LIX1: variants seen among roughly 807,000 people sequenced by gnomAD.
LIX1 encodes the protein limb and CNS expressed 1.
Under a neutral mutation model 33.4 loss-of-function variants are expected in LIX1, and 24 were observed. That is an observed-to-expected ratio of 0.72 (90% CI 0.52 to 1.01). The LOEUF is 1.01. Among genes scored for constraint, LIX1 ranks in the 50% least tolerant of loss-of-function variants. The pLI, the probability that LIX1 is intolerant of heterozygous loss-of-function variation, is 0.00. For synonymous variants in LIX1, 124 were observed against 124.0 expected (o/e 1.00, Z 0.00); for missense variants, 311 against 339.2 (o/e 0.92, Z 0.65).
chr5:97,126,940 AAAT>A (rs1238849633), intron 1 of LIX1, among the ~76,000 whole-genome samples: 1 of 152,104 alleles, frequency 6.6e-6, no homozygotes, highest in Admixed American at 6.5e-5. Context: ...GCCCACCCTG[AAAT>A]AATATTTTCT....
intron 2 of LIX1, among the ~76,000 whole-genome samples, chr5:97,108,243 G>T (rs1747172120): frequency 6.6e-6 from 1 of 152,180 alleles, no homozygotes; most frequent in African/African-American, 2.4e-5. Flanking sequence ...TGATTTTCTT[G>T]AGGACTAGGA....
intron 4 of LIX1, among the ~76,000 whole-genome samples, chr5:97,103,792 C>T (rs1346775494): frequency 2.6e-5 from 4 of 151,940 alleles, no homozygotes; most frequent in Middle Eastern, 3.4e-3. Context: ...GGTGAAATCC[C>T]GTCTCTACTA....
chr5:97,106,944 A>G (rs921274079), intron 3 of LIX1, among the ~76,000 whole-genome samples: 1 of 152,204 alleles, frequency 6.6e-6, no homozygotes, highest in Non-Finnish European at 1.5e-5. Flanking sequence ...GGGAATTCGC[A>G]CTTCCAGTAA....
chr5:97,101,386 G>A (rs779228092), intron 4 of LIX1, among the ~76,000 whole-genome samples: 2 of 152,304 alleles, frequency 1.3e-5, no homozygotes, highest in African/African-American at 2.4e-5. Flanking sequence ...CTGTGCAGCT[G>A]TACAGGGCCC....
At chr5:97,105,557 T>G (rs1335614834) in intron 3 of LIX1, among the ~76,000 whole-genome samples, 2 of 152,236 alleles carry the variant, frequency 1.3e-5, no homozygotes, top group Admixed American at 1.3e-4. Flanking sequence ...GGTGGTGGTG[T>G]TAACATTTGC....
chr5:97,098,896 A>C (rs1468953938), intron 4 of LIX1, among the ~76,000 whole-genome samples: 1 of 152,238 alleles, frequency 6.6e-6, no homozygotes, highest in Non-Finnish European at 1.5e-5. Context: ...TCATGTCTAA[A>C]ATTGCCATTG....
intron 2 of LIX1, among the ~76,000 whole-genome samples, chr5:97,121,343 G>C (rs1747780556): frequency 6.6e-6 from 1 of 152,032 alleles, no homozygotes; most frequent in Non-Finnish European, 1.5e-5. Flanking sequence ...TTAACTCAAA[G>C]AAAATTGCCT....
chr5:97,095,193 A>G (rs1017190951), intron 5 of LIX1, among the ~76,000 whole-genome samples, 158 bp from the exon 6 acceptor site: 4 of 152,190 alleles, frequency 2.6e-5, no homozygotes, highest in East Asian at 3.8e-4. Flanking sequence ...GTTTACTTCT[A>G]TAAAGGAAAT....
At position 97,119,673 on chromosome 5, in the gene LIX1, G is replaced by A. The variant is rs1337907242; in HGVS notation, c.246+4793C>T. 2.6e-5 allele frequency among the ~76,000 whole-genome samples: 4 copies of A among 152,154 alleles called. No homozygotes were observed. The East Asian group carries it at 7.7e-4, about 29-fold the overall frequency. ...CATAAAGAAAAGGGGACCCTAAAATGATCAGAGAAATCAGCAAGAGGCCTC... is the reference window on the plus strand; with the variant it reads ...CATAAAGAAAAGGGGACCCTAAAATAATCAGAGAAATCAGCAAGAGGCCTC... On this transcript the variant is annotated intron_variant, in intron 2 of 5. Transcript: ENST00000274382.
chr5:97,128,930 G>A (rs922690067), intron 1 of LIX1, among the ~76,000 whole-genome samples: 9 of 152,054 alleles, frequency 5.9e-5, no homozygotes, highest in Admixed American at 3.9e-4. Context: ...CACTGTTTCC[G>A]GGGTAATATC....
At position 97,092,812 on chromosome 5, in the gene LIX1, C is replaced by T. The variant is rs1422920105; in HGVS notation, c.*1936G>A. The T allele has an allele frequency of 2.6e-5, 4 of 152,264 alleles. No individual in the cohort carries two copies. The highest frequency in any genetic ancestry group is 5.9e-5 in the Non-Finnish European group (4 of 68,028). 9.4% of individuals were successfully genotyped at this position (152,264 alleles called of 1,614,324 possible). A position where few individuals can be genotyped will look rare whatever the true frequency, so the allele number is the denominator to read the frequency against. Reference sequence around the variant, plus strand: ...TGTGCCTAACTTTCATCACATCCAGCATGGGAAATTGTGGCTTTTTGGAAA... The same window carrying T: ...TGTGCCTAACTTTCATCACATCCAGTATGGGAAATTGTGGCTTTTTGGAAA... On this transcript the variant is annotated 3_prime_UTR_variant, in exon 6 of 6. Coordinates refer to ENST00000274382, the MANE Select transcript of LIX1 (RefSeq NM_153234.5).
At chr5:97,098,864 A>G (rs1320951352) in intron 4 of LIX1, among the ~76,000 whole-genome samples, 1 of 152,246 alleles carries the variant, frequency 6.6e-6, no homozygotes, top group Non-Finnish European at 1.5e-5. Flanking sequence ...TCAGATTATT[A>G]GAAGAGCAAA....
chr5:97,134,882 A>G (rs563955734), intron 1 of LIX1, among the ~76,000 whole-genome samples: 3 of 152,256 alleles, frequency 2.0e-5, no homozygotes, highest in African/African-American at 7.2e-5. Flanking sequence ...GACACTTTCA[A>G]AGGTAGCCAC....
chr5:97,131,685 C>T (rs1039708974), intron 1 of LIX1, among the ~76,000 whole-genome samples: 2 of 152,240 alleles, frequency 1.3e-5, no homozygotes, highest in African/African-American at 4.8e-5. Context: ...TGGATACTCA[C>T]CTAGAAGCAG....
At chr5:97,128,407 C>A (rs977400924) in intron 1 of LIX1, among the ~76,000 whole-genome samples, 1 of 152,146 alleles carries the variant, frequency 6.6e-6, no homozygotes, top group African/African-American at 2.4e-5. Flanking sequence ...TTCTCTTCCT[C>A]TGCTCACTAC....
intron 2 of LIX1, among the ~76,000 whole-genome samples, chr5:97,119,284 A>C (rs1443654894): frequency 6.6e-6 from 1 of 152,188 alleles, no homozygotes; most frequent in Non-Finnish European, 1.5e-5. Flanking sequence ...AATGATTTGT[A>C]ATGCACAGGG....
At position 97,130,016 on chromosome 5, in the gene LIX1, C is replaced by T. The variant is rs530487525; in HGVS notation, c.83-5387G>A. ...ATGTTTCCAACTTGGAATTGTCATA[C>T]GGAATGAGCAGTCCATGTGCACGTA... On this transcript the variant is annotated intron_variant, in intron 1 of 5. Coordinates refer to ENST00000274382, the MANE Select transcript of LIX1 (RefSeq NM_153234.5). Among the ~76,000 whole-genome samples the T allele has an allele frequency of 2.0e-4, 30 of 152,336 alleles. No homozygotes were observed. The South Asian group carries it at 4.1e-3, about 21-fold the overall frequency.
At chr5:97,124,878 G>A (rs1305249304) in intron 1 of LIX1, among the ~76,000 whole-genome samples, 3 of 152,034 alleles carry the variant, frequency 2.0e-5, no homozygotes, top group Non-Finnish European at 2.9e-5. Context: ...ATTTCTTAAT[G>A]AGTAAGGCTC....
At position 97,133,023 on chromosome 5, in the gene LIX1, TCA is replaced by T. The variant is rs1242764991; in HGVS notation, c.83-8396_83-8395del. Among the ~76,000 whole-genome samples the T allele has an allele frequency of 7.2e-5, 11 of 152,350 alleles. No individual in the cohort carries two copies. In the East Asian group the frequency reaches 2.1e-3, roughly 29 times the overall value. On this transcript the variant is annotated intron_variant, in intron 1 of 5. Coordinates refer to ENST00000274382, the MANE Select transcript of LIX1 (RefSeq NM_153234.5). ...TATACATAAAATTGTATTTTTATTT[TCA>T]CAGATTGGACACAATGAGGATGCCA...
Sources: gnomAD v4.1 joint callset for allele counts (sites outside exome capture counted in the v4.1 genomes callset) on GRCh38, gnomAD v4.1.1 for gene constraint, MANE v1.5 for transcripts, NCBI Gene and HGNC (gene_info 2026-07-23, HGNC 2026-07-21) for gene names.